BAIAP2L2: variants seen among roughly 807,000 people sequenced by gnomAD.
The protein encoded by BAIAP2L2 is BAR/IMD domain containing adaptor protein 2 like 2, also known as BAR/IMD domain-containing adapter protein 2-like 2.
In BAIAP2L2, 65 loss-of-function variants were observed where a neutral mutation model predicts 60.4. The ratio of observed to expected loss-of-function variants is 1.08; its 90% CI spans 0.88 to 1.32. The LOEUF (loss-of-function observed/expected upper bound fraction) is 1.32. Ranked by LOEUF, BAIAP2L2 falls within the 40% of genes most tolerant of loss-of-function variation. The probability of loss-of-function intolerance (pLI) is 0.00; values close to 1 mark genes in which losing one functional copy is unlikely to be tolerated. For missense variants in BAIAP2L2, 836 were observed against 741.2 expected (o/e 1.13, Z -1.48); for synonymous variants, 344 against 301.7 (o/e 1.14, Z -1.45).
At chr22:38,095,845 T>C (rs929173253) in intron 7 of BAIAP2L2, among the ~76,000 whole-genome samples, 1 of 152,010 alleles carries the variant, frequency 6.6e-6, no homozygotes, top group African/African-American at 2.4e-5. Flanking sequence ...AATAGTGCAA[T>C]TTCTAAATTA....
At chr22:38,100,289 C>T (rs2086538437) in intron 4 of BAIAP2L2, among the ~76,000 whole-genome samples, 1 of 152,116 alleles carries the variant, frequency 6.6e-6, no homozygotes, top group Non-Finnish European at 1.5e-5. Flanking sequence ...TGGTGGCTCA[C>T]ACCTGCAATC....
chr22:38,105,339 CTTTTTT>C (rs1035690122), intron 4 of BAIAP2L2, among the ~76,000 whole-genome samples: 1 of 94,964 alleles, frequency 1.1e-5, no homozygotes, highest in Non-Finnish European at 2.3e-5. Context: ...TTTTTCTTTT[CTTTTTT>C]TTTTTTTTTT....
chr22:38,100,057 G>A (rs1272015525), intron 4 of BAIAP2L2, among the ~76,000 whole-genome samples: 1 of 152,212 alleles, frequency 6.6e-6, no homozygotes, highest in Non-Finnish European at 1.5e-5. Context: ...GGCTGCCAGT[G>A]TGTGTGTAGA....
rs1555961431 is a variant in BAIAP2L2 at position 38,086,382 on chromosome 22, GTGCTA to G, written c.1322_1326del (p.Ile441ThrfsTer45). The G allele has an allele frequency of 1.3e-6, 1 of 763,706 alleles. No individual in the cohort carries two copies. Among genetic ancestry groups the G allele is most frequent in the South Asian group, 2.6e-5 (1 of 38,494 alleles). 47.3% of individuals were successfully genotyped at this position (763,706 alleles called of 1,614,324 possible). On this transcript the variant is annotated frameshift_variant, in exon 12 of 14. Coordinates refer to ENST00000381669, the MANE Select transcript of BAIAP2L2 (RefSeq NM_025045.6). LOFTEE classifies it high-confidence loss of function. ...GACTGGCCATCCCAGTACTCCGAGGGTGCTATGGAGTTGCCCGGCCGGTCCAGGAG... is the reference window on the plus strand; with the variant it reads ...GACTGGCCATCCCAGTACTCCGAGGGTGGAGTTGCCCGGCCGGTCCAGGAG...
intron 4 of BAIAP2L2, among the ~76,000 whole-genome samples, chr22:38,100,100 G>A (rs1003986917): frequency 3.9e-5 from 6 of 152,146 alleles, no homozygotes; most frequent in Non-Finnish European, 7.4e-5. Flanking sequence ...GAAGTGGCAC[G>A]TAGGTTTCCA....
rs774267774 is a variant in BAIAP2L2, at chr22:38,097,029, C to T, written c.612+3G>A. ...CCGCTTGCTGCCCCCCAGTCCAACT[C>T]ACCCGGCCGAAGAACTGCAGGAAGG... On this transcript the variant is annotated splice_donor_region_variant and intron_variant, in intron 7 of 13. Transcript: ENST00000381669. 1 of 1,609,676 alleles carries T rather than the reference C, an allele frequency of 6.2e-7. No individual in the cohort carries two copies. The highest frequency in any genetic ancestry group is 1.3e-5 in the African/African-American group (1 of 74,900).
At position 38,097,064 on chromosome 22, in the gene BAIAP2L2, G is replaced by A. The variant is rs1490488682; in HGVS notation, c.580C>T (p.Leu194Phe). The change falls in exon 7 of 14, where the codon CTT becomes TTT. Residue 194 changes from leucine (L) to phenylalanine (F), a missense_variant. Physicochemically the swap from Leu to Phe is conservative, Grantham distance 22. Transcript: ENST00000381669. ...AAGAACTGCAGGAAGGTGTTGGAAAGTAGCAGGTGCTTCTCTGCTAGGAAG... is the reference window on the plus strand; with the variant it reads ...AAGAACTGCAGGAAGGTGTTGGAAAATAGCAGGTGCTTCTCTGCTAGGAAG... ...YRFLAEKHLL[L>F]SNTFLQFFGR... is the part of the protein sequence containing the mutation. 10 of 1,614,046 alleles carry A rather than the reference G, an allele frequency of 6.2e-6. 1 individual carries two copies. The South Asian group carries it at 7.7e-5, about 12-fold the overall frequency.
chr22:38,092,621 A>G (rs866111773), intron 7 of BAIAP2L2, among the ~76,000 whole-genome samples: 19 of 152,248 alleles, frequency 1.2e-4, no homozygotes, highest in African/African-American at 4.6e-4. Flanking sequence ...GTAAATATAT[A>G]TGCTTAGCTA....
chr22:38,089,333 G>A (rs1247738676), intron 8 of BAIAP2L2, 102 bp from the exon 9 acceptor site: 3 of 578,280 alleles, frequency 5.2e-6, no homozygotes, highest in East Asian at 7.1e-5. Flanking sequence ...CGGCGTAGGG[G>A]TTCTGGGGGC....
intron 4 of BAIAP2L2, among the ~76,000 whole-genome samples, chr22:38,107,415 C>G (rs2086686432): frequency 6.6e-6 from 1 of 152,154 alleles, no homozygotes; most frequent in African/African-American, 2.4e-5. Flanking sequence ...GCTGGATCGA[C>G]AGAGCCAGGG....
intron 7 of BAIAP2L2, among the ~76,000 whole-genome samples, chr22:38,093,055 A>G (rs1462009636): frequency 6.6e-6 from 1 of 151,962 alleles, no homozygotes; most frequent in Non-Finnish European, 1.5e-5. Context: ...AATCCCAGCT[A>G]CTCAGGAGGC....
upstream of BAIAP2L2, chr22:38,110,744 G>A (rs1342589421): frequency 3.7e-6 from 2 of 540,098 alleles, no homozygotes; most frequent in African/African-American, 2.0e-5. Context: ...ACCAGATCCG[G>A]CAGGGAAGGC....
intron 7 of BAIAP2L2, among the ~76,000 whole-genome samples, chr22:38,094,821 G>GGGCGTGGGGGGCGTGGGA (rs2086389960): frequency 1.3e-5 from 2 of 150,268 alleles, no homozygotes; most frequent in African/African-American, 2.4e-5. Flanking sequence ...GACTCGGGGA[G>GGGCGTGGGGGGCGTGGGA]GGCGTGGGAG....
intron 10 of BAIAP2L2, among the ~76,000 whole-genome samples, chr22:38,087,472 G>A (rs1555962419): frequency 6.6e-6 from 1 of 152,134 alleles, no homozygotes; most frequent in Admixed American, 6.5e-5. Flanking sequence ...CAGGCTATGT[G>A]AGTCAAGGAT....
chr22:38,097,915 G>T, intron 6 of BAIAP2L2, 148 bp downstream of exon 6: 3 of 748,924 alleles, frequency 4.0e-6, no homozygotes, highest in Non-Finnish European at 6.8e-6. Flanking sequence ...CCAGGGGCTG[G>T]CTGACCTCCC....
intron 4 of BAIAP2L2, among the ~76,000 whole-genome samples, chr22:38,103,014 C>G (rs374243777): frequency 6.6e-6 from 1 of 151,092 alleles, no homozygotes. Context: ...CCACTGCACT[C>G]CAGCCTGGGA....
At chr22:38,097,632 G>C (rs1199379619) in intron 6 of BAIAP2L2, among the ~76,000 whole-genome samples, 1 of 152,210 alleles carries the variant, frequency 6.6e-6, no homozygotes, top group Non-Finnish European at 1.5e-5. Context: ...TGGAGACAGA[G>C]GCCAGGGATG....
intron 8 of BAIAP2L2, 37 bp downstream of exon 8, chr22:38,089,485 G>C: frequency 8.6e-7 from 1 of 1,165,112 alleles, no homozygotes; most frequent in Non-Finnish European, 1.1e-6. Flanking sequence ...GGGGGCGGCG[G>C]GGGCGCGAAC....
intron 8 of BAIAP2L2, 24 bp downstream of exon 8, chr22:38,089,498 C>T: frequency 2.5e-6 from 3 of 1,188,432 alleles, no homozygotes; most frequent in Non-Finnish European, 3.1e-6. Flanking sequence ...GCGCGAACGG[C>T]GGCGGGGGCG....
Sources: gnomAD v4.1 joint callset for allele counts (sites outside exome capture counted in the v4.1 genomes callset) on GRCh38, gnomAD v4.1.1 for gene constraint, MANE v1.5 for transcripts, NCBI Gene and HGNC (gene_info 2026-07-23, HGNC 2026-07-21) for gene names.